Variants in WNT2 observed in about 807,000 individuals in gnomAD.
The protein encoded by WNT2 is protein Wnt-2.
In WNT2, 12 loss-of-function variants were observed where a neutral mutation model predicts 36.9. The ratio of observed to expected loss-of-function variants is 0.33; its 90% confidence interval spans 0.21 to 0.53. The LOEUF (loss-of-function observed/expected upper bound fraction) is 0.53. WNT2 is among the 20% of genes least tolerant of loss of function. The pLI is 0.95. For missense variants in WNT2, 379 were observed against 473.1 expected (o/e 0.80, Z 1.84); for synonymous variants, 163 against 174.6 (o/e 0.93, Z 0.52).
chr7:117,319,271 T>A (rs1272733851), intron 2 of WNT2, among the ~76,000 whole-genome samples: 1 of 152,236 alleles, frequency 6.6e-6, no homozygotes, highest in African/African-American at 2.4e-5. Flanking sequence ...AAATTTGCGA[T>A]GTCATATTGA....
At chr7:117,291,076 G>C (rs143687628) in intron 4 of WNT2, among the ~76,000 whole-genome samples, 145 of 152,294 alleles carry the variant, frequency 9.5e-4, no homozygotes, top group African/African-American at 3.4e-3. Flanking sequence ...ACACCACTGG[G>C]CATGAGAGAA....
At chr7:117,303,854 C>T (rs1482301276) in intron 3 of WNT2, among the ~76,000 whole-genome samples, 1 of 152,180 alleles carries the variant, frequency 6.6e-6, no homozygotes, top group African/African-American at 2.4e-5. Flanking sequence ...CTACCAGTTG[C>T]ATTGGCTATC....
chr7:117,282,900 C>A (rs1045979966), intron 4 of WNT2, among the ~76,000 whole-genome samples: 1 of 151,912 alleles, frequency 6.6e-6, no homozygotes, highest in Non-Finnish European at 1.5e-5. Flanking sequence ...GGAACTGGAG[C>A]GGTTACTAGA....
At chr7:117,319,222 A>G (rs555546209) in intron 2 of WNT2, among the ~76,000 whole-genome samples, 2 of 152,366 alleles carry the variant, frequency 1.3e-5, no homozygotes, top group Admixed American at 1.3e-4. Flanking sequence ...GTGAAGTCTT[A>G]AAATTCCATG....
chr7:117,302,339 T>G lies in WNT2; in HGVS notation c.589-4463A>C, dbSNP rs183805286. The stretch of plus-strand genomic sequence containing the variant: ...GCAAACTGAAATAATACACCTTTTT[T>G]GCCTAGCAAAAATTGTAAAAATGTC... On this transcript the variant is annotated intron_variant, in intron 3 of 4. Coordinates refer to ENST00000265441, the MANE Select transcript of WNT2 (RefSeq NM_003391.3). 6.2e-4 allele frequency among the ~76,000 whole-genome samples: 95 copies of G among 152,330 alleles called. No individual in the cohort carries two copies. The Middle Eastern group carries it at 0.02, about 33-fold the overall frequency.
At chr7:117,278,907 A>G (rs1794430885) in intron 4 of WNT2, among the ~76,000 whole-genome samples, 1 of 152,134 alleles carries the variant, frequency 6.6e-6, no homozygotes, top group African/African-American at 2.4e-5. Flanking sequence ...AGGGAATAGA[A>G]CTCTGGTTCT....
In WNT2 at chr7:117,315,216, C is replaced by T; in HGVS notation, c.443G>A (p.Ser148Asn). ...GCCACCCCAATCAAAAATGCCTTTG[C>T]TGTCCTTGGCGCTTCCCATCTTCTT... ...DPKKMGSAKD[S>N]KGIFDWGGCS... The change falls in exon 3 of 5, where the codon AGC becomes AAC. Residue 148 changes from serine to asparagine, a missense_variant. By Grantham distance (46) the Ser-to-Asn change is conservative. Coordinates refer to ENST00000265441, the MANE Select transcript of WNT2 (RefSeq NM_003391.3). 3 of 1,614,178 alleles carry T rather than the reference C, an allele frequency of 1.9e-6. No homozygotes were observed. The highest frequency in any genetic ancestry group is 2.5e-6 in the Non-Finnish European group (3 of 1,180,030).
intron 3 of WNT2, among the ~76,000 whole-genome samples, chr7:117,310,060 G>T (rs1463312931): frequency 1.3e-5 from 2 of 152,038 alleles, no homozygotes; most frequent in African/African-American, 4.8e-5. Flanking sequence ...GATTACAGTT[G>T]CATGCCACCT....
chr7:117,278,152 G>A lies in WNT2; in HGVS notation c.*3C>T, dbSNP rs150835316. The A allele has an allele frequency of 1.2e-6, 2 of 1,614,118 alleles. No individual in the cohort carries two copies. The highest frequency in any genetic ancestry group is 1.3e-5 in the African/African-American group (1 of 75,056). ...GGAAGGTGGATGGTGACGCCTGCTG[G>A]GGTCATGTAGCGGTTGTCCAGTCAG... On this transcript the variant is annotated 3_prime_UTR_variant, in exon 5 of 5. Transcript: ENST00000265441.
At chr7:117,306,761 T>C (rs1795021712) in intron 3 of WNT2, among the ~76,000 whole-genome samples, 1 of 152,234 alleles carries the variant, frequency 6.6e-6, no homozygotes. Context: ...TTTTACTACG[T>C]GGCATCCTGT....
At chr7:117,309,850 A>T (rs193248881) in intron 3 of WNT2, among the ~76,000 whole-genome samples, 1 of 152,308 alleles carries the variant, frequency 6.6e-6, no homozygotes, top group East Asian at 1.9e-4. Flanking sequence ...TTTTAATATT[A>T]ATAAACACCC....
At chr7:117,287,520 C>T (rs1013680906) in intron 4 of WNT2, among the ~76,000 whole-genome samples, 4 of 152,150 alleles carry the variant, frequency 2.6e-5, no homozygotes, top group African/African-American at 4.8e-5. Flanking sequence ...ATGCACATCA[C>T]GCCACAGGGT....
At chr7:117,310,546 G>C (rs1263192355) in intron 3 of WNT2, among the ~76,000 whole-genome samples, 1 of 131,872 alleles carries the variant, frequency 7.6e-6, no homozygotes, top group South Asian at 2.4e-4. Context: ...TTGTGCCACC[G>C]CACTCCAGCC....
At chr7:117,309,254 T>TAGTACAA (rs1402474357) in intron 3 of WNT2, among the ~76,000 whole-genome samples, 1 of 152,224 alleles carries the variant, frequency 6.6e-6, no homozygotes, top group Admixed American at 6.5e-5. Context: ...TACTTACATG[T>TAGTACAA]AGTACAACAT....
Position 117,277,986 on chromosome 7 carries a change from T to C in WNT2, c.*169A>G, listed in dbSNP as rs1794409483. 3 of 660,400 alleles carry C rather than the reference T, an allele frequency of 4.5e-6. No homozygotes were observed. In the South Asian group the frequency reaches 5.8e-5, roughly 13 times the overall value. 40.9% of individuals were successfully genotyped at this position (660,400 alleles called of 1,614,324 possible). ...AATAGGGTAGGCTTTAGGTGCAGCG[T>C]GTGGCCCCCCCATCCTGGGGCCCCC... On this transcript the variant is annotated 3_prime_UTR_variant, in exon 5 of 5. Transcript: ENST00000265441.
intron 3 of WNT2, among the ~76,000 whole-genome samples, chr7:117,305,129 G>A (rs1794991946): frequency 1.3e-5 from 2 of 152,168 alleles, no homozygotes; most frequent in South Asian, 2.1e-4. Flanking sequence ...CGGGAGCACC[G>A]TGCTTCCAGC....
chr7:117,311,890 G>A (rs998564044), intron 3 of WNT2, among the ~76,000 whole-genome samples: 6 of 152,182 alleles, frequency 3.9e-5, no homozygotes. Context: ...GGTATTGTAA[G>A]ATTAAAACAA....
intron 3 of WNT2, among the ~76,000 whole-genome samples, chr7:117,299,484 T>C (rs1483937597): frequency 1.3e-5 from 2 of 149,334 alleles, no homozygotes; most frequent in Non-Finnish European, 2.9e-5. Context: ...CTCCTCTTCT[T>C]TCTTTCTTTC....
intron 1 of WNT2, among the ~76,000 whole-genome samples, chr7:117,321,031 T>C (rs574406950): frequency 6.6e-6 from 1 of 152,308 alleles, no homozygotes; most frequent in South Asian, 2.1e-4. Flanking sequence ...GACTGTCTGT[T>C]GGACATGAAG....
Sources: allele counts gnomAD v4.1 joint callset (sites outside exome capture counted in the v4.1 genomes callset), GRCh38; gene constraint gnomAD v4.1.1; transcripts MANE v1.5; gene names NCBI Gene and HGNC (gene_info 2026-07-23, HGNC 2026-07-21).